The following NPAS3 variants were observed in gnomAD, a reference collection of about 807,000 sequenced individuals.
NPAS3 encodes neuronal PAS domain protein 3, also known as neuronal PAS domain-containing protein 3.
In NPAS3, 14 loss-of-function variants were observed where a neutral mutation model predicts 73.1. The observed-to-expected ratio is 0.19, with a 90% confidence interval of 0.13 to 0.30. The LOEUF (loss-of-function observed/expected upper bound fraction) is 0.30. NPAS3 is among the 10% of genes least tolerant of loss of function. The pLI is 1.00. For missense variants in NPAS3, 1,096 were observed against 1,250.0 expected (o/e 0.88, Z 1.86); for synonymous variants, 620 against 541.5 (o/e 1.14, Z -2.01).
intron 6 of NPAS3, among the ~76,000 whole-genome samples, chr14:33,696,550 A>AT (rs1464980293): frequency 6.6e-6 from 1 of 152,144 alleles, no homozygotes; most frequent in African/African-American, 2.4e-5. Context: ...TTGTCTTGTG[A>AT]TTTTTATGTT....
intron 1 of NPAS3, among the ~76,000 whole-genome samples, chr14:33,012,651 C>T (rs1008555323): frequency 1.3e-5 from 2 of 151,722 alleles, no homozygotes; most frequent in African/African-American, 4.8e-5. Context: ...CGGGTTCAAG[C>T]GATTCTCCTG....
At position 33,745,250 on chromosome 14, in the gene NPAS3, A is replaced by C. The variant is rs535532580; in HGVS notation, c.852+9918A>C. Among the ~76,000 whole-genome samples the C allele has an allele frequency of 6.6e-5, 10 of 152,318 alleles. No homozygotes were observed. In the East Asian group the frequency reaches 1.9e-3, roughly 29 times the overall value. ...GGTGACAGAGCCAGACCAGAGAAGA[A>C]CCACAGTATCTGGGAAGTGCAATAA... On this transcript the variant is annotated intron_variant, in intron 7 of 11. Coordinates refer to ENST00000356141, the Ensembl canonical transcript of NPAS3.
chr14:33,744,654 G>T (rs2061742028), intron 7 of NPAS3, among the ~76,000 whole-genome samples: 1 of 152,086 alleles, frequency 6.6e-6, no homozygotes, highest in African/African-American at 2.4e-5. Flanking sequence ...GCCAGGCATA[G>T]TGGTGCCTGC....
At chr14:33,416,119 A>G (rs539675329) in intron 4 of NPAS3, among the ~76,000 whole-genome samples, 2 of 152,218 alleles carry the variant, frequency 1.3e-5, no homozygotes, top group African/African-American at 4.8e-5. Context: ...CAAGCATACA[A>G]TAGGTACTTA....
intron 4 of NPAS3, among the ~76,000 whole-genome samples, chr14:33,431,689 A>G (rs1335369644): frequency 1.3e-5 from 2 of 152,274 alleles, no homozygotes; most frequent in Middle Eastern, 3.4e-3. Context: ...TGATGTATCC[A>G]TTTATTAAAA....
intron 4 of NPAS3, among the ~76,000 whole-genome samples, chr14:33,437,811 A>G (rs1478745783): frequency 1.3e-5 from 2 of 152,210 alleles, no homozygotes; most frequent in African/African-American, 4.8e-5. Context: ...CCCTGTCACA[A>G]CTTTTCAGAT....
At chr14:33,335,102 A>T (rs2044166313) in intron 3 of NPAS3, among the ~76,000 whole-genome samples, 1 of 149,010 alleles carries the variant, frequency 6.7e-6, no homozygotes, top group Admixed American at 6.7e-5. Flanking sequence ...TTGTTGATTG[A>T]TGGGCACTTG....
chr14:33,677,893 G>A lies in NPAS3; in HGVS notation c.733+1508G>A, dbSNP rs576046768. Reference sequence around the variant, plus strand: ...AGCAGCTATGTCAGCGAGATAACTGGAACTGTTTTTTAGTCAATAGAATGT... The same window carrying A: ...AGCAGCTATGTCAGCGAGATAACTGAAACTGTTTTTTAGTCAATAGAATGT... On this transcript the variant is annotated intron_variant, in intron 6 of 11. Transcript: ENST00000356141. Among the ~76,000 whole-genome samples the A allele has an allele frequency of 2.0e-5, 3 of 152,292 alleles. No individual in the cohort carries two copies. The South Asian group carries it at 6.2e-4, about 32-fold the overall frequency.
intron 2 of NPAS3, among the ~76,000 whole-genome samples, chr14:33,105,602 T>TA (rs766629644): frequency 4.6e-5 from 7 of 152,124 alleles, no homozygotes; most frequent in Non-Finnish European, 8.8e-5. Context: ...TACTCCTTGT[T>TA]ACAATGAGTC....
chr14:33,670,551 A>G (rs2059581564), intron 5 of NPAS3, among the ~76,000 whole-genome samples: 1 of 152,020 alleles, frequency 6.6e-6, no homozygotes, highest in Non-Finnish European at 1.5e-5. Context: ...ACCTATGCTA[A>G]TCAAGCTATC....
chr14:33,769,185 C>A (rs1259379773), intron 7 of NPAS3, among the ~76,000 whole-genome samples: 1 of 152,108 alleles, frequency 6.6e-6, no homozygotes, highest in Non-Finnish European at 1.5e-5. Context: ...TTTGGCAATT[C>A]TATTGAATTT....
intron 9 of NPAS3, among the ~76,000 whole-genome samples, chr14:33,784,745 ATTTTTT>A (rs1226491375): frequency 1.4e-4 from 10 of 73,860 alleles, no homozygotes; most frequent in African/African-American, 5.6e-4. Context: ...TTATTTATTT[ATTTTTT>A]TTTTTTTTTT....
chr14:33,229,414 A>T (rs10129337), intron 3 of NPAS3, among the ~76,000 whole-genome samples: 67,751 of 152,050 alleles, frequency 0.45, 15,218 homozygotes, highest in South Asian at 0.54. Context: ...GCTATCATCC[A>T]GGGAGCCGGG....
chr14:33,383,648 C>T (rs950672187), intron 4 of NPAS3, among the ~76,000 whole-genome samples: 4 of 152,328 alleles, frequency 2.6e-5, no homozygotes, highest in African/African-American at 9.6e-5. Context: ...TGATGATTAA[C>T]TGTGCCCAAG....
At chr14:33,680,798 G>T in intron 6 of NPAS3, 1 of 591,002 alleles carries the variant, frequency 1.7e-6, no homozygotes, top group Non-Finnish European at 3.0e-6. Flanking sequence ...GCATGAGGCA[G>T]TACTTTGGAT....
chr14:33,533,251 C>T (rs978820495), intron 4 of NPAS3, among the ~76,000 whole-genome samples: 2 of 151,868 alleles, frequency 1.3e-5, no homozygotes, highest in African/African-American at 2.4e-5. Flanking sequence ...AATATTACAT[C>T]GTATAAGGCA....
chr14:33,355,187 A>G (rs1315139), intron 3 of NPAS3, among the ~76,000 whole-genome samples: 83,340 of 152,014 alleles, frequency 0.55, 23,051 homozygotes, highest in East Asian at 0.64. Flanking sequence ...ACCAATCCGT[A>G]GCTTGTTTGC....
At chr14:33,274,979 C>G (rs538155506) in intron 3 of NPAS3, among the ~76,000 whole-genome samples, 84 of 152,320 alleles carry the variant, frequency 5.5e-4, no homozygotes, top group African/African-American at 1.7e-3. Context: ...AGTGCCTATG[C>G]AAGTTCTCAA....
At chr14:33,433,591 C>G (rs1245382828) in intron 4 of NPAS3, among the ~76,000 whole-genome samples, 1 of 152,192 alleles carries the variant, frequency 6.6e-6, no homozygotes, top group Non-Finnish European at 1.5e-5. Flanking sequence ...TTTCTCAGGG[C>G]AGACTTATAT....
Sources: allele counts gnomAD v4.1 joint callset (sites outside exome capture counted in the v4.1 genomes callset), GRCh38; gene constraint gnomAD v4.1.1; transcripts MANE v1.5; gene names NCBI Gene and HGNC (gene_info 2026-07-23, HGNC 2026-07-21).